CELF2: variants seen among roughly 807,000 people sequenced by gnomAD.
CELF2 encodes the protein CUG triplet repeat RNA-binding protein 2.
CELF2 carries 8 observed loss-of-function variants against 62.6 expected under a neutral mutation model. The observed-to-expected ratio is 0.13, with a 90% CI of 0.07 to 0.23. The LOEUF (loss-of-function observed/expected upper bound fraction) is 0.23. Ranked by LOEUF, CELF2 falls within the 10% of genes least tolerant of loss-of-function variation. CELF2 has a pLI of 1.00. For missense variants in CELF2, 333 were observed against 671.0 expected (o/e 0.50, Z 5.56); for synonymous variants, 258 against 250.0 (o/e 1.03, Z -0.30).
rs753087844 is a variant in CELF2, at chr10:11,305,513, G to A, written c.977-8626G>A. On this transcript the variant is annotated intron_variant, in intron 9 of 12. Transcript: ENST00000633077. This position sits in a 1 kb window ranked among gnomAD's most constrained non-coding sequence, Gnocchi z 4.8. The stretch of plus-strand genomic sequence containing the variant: ...GGATCCCACCTGCAGTAAAATATCC[G>A]TCTGAAAGATGTCCTATTACCTGTT... 2.3e-4 allele frequency among the ~76,000 whole-genome samples: 35 copies of A among 152,224 alleles called. No individual in the cohort carries two copies. The highest frequency in any genetic ancestry group is 1.5e-3 in the East Asian group (8 of 5,202).
chr10:10,529,604 A>C, the CELF2 span, among the ~76,000 whole-genome samples: 1 of 144,764 alleles, frequency 6.9e-6, no homozygotes, highest in African/African-American at 2.6e-5. Flanking sequence ...GAATTACTTG[A>C]ACTCGGAAGG....
intron 1 of CELF2, among the ~76,000 whole-genome samples, chr10:11,139,439 T>G (rs1345510619): frequency 6.6e-6 from 1 of 152,234 alleles, no homozygotes; most frequent in South Asian, 2.1e-4. Flanking sequence ...TTGATTGACT[T>G]TCGAGGAATA....
At chr10:10,544,337 A>G in the CELF2 span, among the ~76,000 whole-genome samples, 2 of 152,316 alleles carry the variant, frequency 1.3e-5, no homozygotes, top group Admixed American at 1.3e-4. Context: ...GCTAGATTGG[A>G]GGAATATTTT....
At chr10:11,067,490 A>G (rs1419074785) in intron 1 of CELF2, among the ~76,000 whole-genome samples, 1 of 152,230 alleles carries the variant, frequency 6.6e-6, no homozygotes, top group Non-Finnish European at 1.5e-5. Context: ...AACGCTTCTA[A>G]GTGCCTGTGT....
chr10:10,876,844 G>A (rs971453856), intron 1 of CELF2, among the ~76,000 whole-genome samples: 2 of 152,220 alleles, frequency 1.3e-5, no homozygotes, highest in Admixed American at 6.5e-5. Context: ...ATGGAGCAAC[G>A]TTTGTGCACA....
the CELF2 span, among the ~76,000 whole-genome samples, chr10:10,543,234 G>T: frequency 1.3e-5 from 2 of 152,146 alleles, no homozygotes; most frequent in Non-Finnish European, 2.9e-5. Context: ...CATGCCCCCA[G>T]AGTAAACTTC....
At chr10:10,929,251 A>G (rs558514109) in intron 2 of CELF2, among the ~76,000 whole-genome samples, 2 of 152,342 alleles carry the variant, frequency 1.3e-5, no homozygotes, top group South Asian at 2.1e-4. Context: ...TGTGTCTGCC[A>G]TTCCTTAATC....
At chr10:10,707,088 T>C in the CELF2 span, among the ~76,000 whole-genome samples, 1 of 152,192 alleles carries the variant, frequency 6.6e-6, no homozygotes, top group African/African-American at 2.4e-5. Flanking sequence ...AGCTCTGGCA[T>C]TTGGGGGTTA....
At chr10:11,202,951 CTGTGTGTG>C (rs3055302) in intron 2 of CELF2, among the ~76,000 whole-genome samples, 23 of 53,882 alleles carry the variant, frequency 4.3e-4, no homozygotes, top group African/African-American at 1.6e-3. Context: ...CTCTCTCTCT[CTGTGTGTG>C]TGTGTGTGTG....
intron 2 of CELF2, among the ~76,000 whole-genome samples, chr10:11,190,833 C>G (rs1209499405): frequency 7.0e-6 from 1 of 141,952 alleles, no homozygotes; most frequent in Non-Finnish European, 1.5e-5. Context: ...TTCTGAGTTA[C>G]CTGGAGCAGT....
At chr10:11,254,913 C>T (rs919076382) in intron 4 of CELF2, among the ~76,000 whole-genome samples, 1 of 142,550 alleles carries the variant, frequency 7.0e-6, no homozygotes, top group Non-Finnish European at 1.6e-5. Flanking sequence ...CCTGTCCCAT[C>T]TCTCCCCTTC....
the CELF2 span, among the ~76,000 whole-genome samples, chr10:10,588,594 G>A: frequency 4.0e-3 from 610 of 152,270 alleles, 1 homozygote; most frequent in African/African-American, 0.013. Flanking sequence ...TAGCAAGGAG[G>A]CATCTCTTGG....
At chr10:10,748,599 G>T in the CELF2 span, among the ~76,000 whole-genome samples, 1 of 151,616 alleles carries the variant, frequency 6.6e-6, no homozygotes, top group Non-Finnish European at 1.5e-5. Flanking sequence ...ATACAAAAAA[G>T]TAGCCGGCCA....
At chr10:11,163,569 C>T (rs868453965) in intron 1 of CELF2, among the ~76,000 whole-genome samples, 2 of 152,230 alleles carry the variant, frequency 1.3e-5, no homozygotes, top group South Asian at 4.1e-4. Context: ...ACAAGGATTA[C>T]ATTACACCAA....
intron 9 of CELF2, among the ~76,000 whole-genome samples, chr10:11,295,182 T>C (rs930642301): frequency 6.6e-6 from 1 of 152,088 alleles, no homozygotes. Context: ...AAAATGACTC[T>C]GTAGTGACTG....
the CELF2 span, among the ~76,000 whole-genome samples, chr10:10,559,167 A>C: frequency 5.9e-5 from 9 of 152,364 alleles, no homozygotes; most frequent in African/African-American, 2.2e-4. Flanking sequence ...CCTGTCTTAT[A>C]ACAAACTGTA....
chr10:10,656,032 A>C, the CELF2 span, among the ~76,000 whole-genome samples: 128 of 150,450 alleles, frequency 8.5e-4, no homozygotes, highest in African/African-American at 2.4e-3. Context: ...ACAAGAAAAA[A>C]AAACAACCCC....
chr10:10,462,721 G>A, the CELF2 span, among the ~76,000 whole-genome samples: 78 of 148,568 alleles, frequency 5.3e-4, 1 homozygote, highest in African/African-American at 1.7e-3. Flanking sequence ...AGGGGTTAGC[G>A]TATAATGAAA....
chr10:10,790,336 G>A, the CELF2 span, among the ~76,000 whole-genome samples: 1 of 151,958 alleles, frequency 6.6e-6, no homozygotes, highest in Non-Finnish European at 1.5e-5. Context: ...TTTACCCCTT[G>A]GGAATGTCTC....
Sources: allele counts gnomAD v4.1 joint callset (sites outside exome capture counted in the v4.1 genomes callset), GRCh38; gene constraint gnomAD v4.1.1; non-coding constraint Gnocchi (gnomAD v3.1); transcripts MANE v1.5; gene names NCBI Gene and HGNC (gene_info 2026-07-23, HGNC 2026-07-21).